Variants in DYM observed in about 807,000 individuals in gnomAD.
DYM encodes the protein dyggve-Melchior-Clausen syndrome protein.
DYM carries 78 observed loss-of-function variants against 93.1 expected under a neutral mutation model. The ratio of observed to expected loss-of-function variants is 0.84; its 90% CI spans 0.70 to 1.01. The LOEUF (loss-of-function observed/expected upper bound fraction) is 1.01, where lower values mean the gene tolerates loss of function less well. Among genes scored for constraint, DYM ranks in the 50% least tolerant of loss-of-function variants. The probability of loss-of-function intolerance (pLI) is 0.00; values close to 1 mark genes in which losing one functional copy is unlikely to be tolerated. For missense variants in DYM, 789 were observed against 845.0 expected, an observed-to-expected ratio of 0.93 and a Z score of 0.82; for synonymous variants, 321 against 319.7, an observed-to-expected ratio of 1.00 and a Z score of -0.04.
chr18:49,243,005 C>G (rs189106592), intron 13 of DYM, among the ~76,000 whole-genome samples: 1 of 152,204 alleles, frequency 6.6e-6, no homozygotes, highest in Admixed American at 6.5e-5. Context: ...CGGCCTATAC[C>G]TAGGGTTTCT....
intron 15 of DYM, among the ~76,000 whole-genome samples, chr18:49,134,101 G>A (rs189085338): frequency 6.7e-4 from 102 of 152,212 alleles, no homozygotes; most frequent in African/African-American, 2.4e-3. Context: ...GGGTAATAAA[G>A]CAAGTCCAGT....
intron 13 of DYM, among the ~76,000 whole-genome samples, chr18:49,233,505 C>T (rs767299390): frequency 3.3e-5 from 5 of 152,242 alleles, no homozygotes; most frequent in Middle Eastern, 3.4e-3. Flanking sequence ...ACAGATTTCT[C>T]TTCAATCTAA....
At chr18:49,432,236 C>T (rs2080389036) in intron 1 of DYM, among the ~76,000 whole-genome samples, 1 of 147,024 alleles carries the variant, frequency 6.8e-6, no homozygotes, top group Admixed American at 7.0e-5. Context: ...GAGGCTGAGA[C>T]AGGAGAATCA....
intron 14 of DYM, among the ~76,000 whole-genome samples, chr18:49,168,223 C>CTA (rs1462910036): frequency 1.1e-4 from 16 of 151,216 alleles, no homozygotes; most frequent in African/African-American, 3.7e-4. Flanking sequence ...CTCCCTCTCT[C>CTA]TCTATATATA....
intron 1 of DYM, among the ~76,000 whole-genome samples, chr18:49,459,920 G>A (rs1405580666): frequency 6.8e-6 from 1 of 147,188 alleles, no homozygotes; most frequent in Non-Finnish European, 1.5e-5. Flanking sequence ...CTTTGGGGCG[G>A]GGGGGGCGGT....
At chr18:49,108,883 G>T (rs565593089) in intron 16 of DYM, among the ~76,000 whole-genome samples, 1 of 152,186 alleles carries the variant, frequency 6.6e-6, no homozygotes, top group African/African-American at 2.4e-5. Flanking sequence ...CATGCATTTC[G>T]AAGCTCTGTT....
chr18:49,242,424 T>C (rs905854403), intron 13 of DYM, among the ~76,000 whole-genome samples: 3 of 152,002 alleles, frequency 2.0e-5, no homozygotes, highest in Non-Finnish European at 4.4e-5. Context: ...AAAATAATAA[T>C]AACAATAAAA....
chr18:49,039,995 CACAG>C lies in DYM; in HGVS notation c.*4056_*4059del, dbSNP rs2070849021. 6.6e-6 allele frequency: 1 copy of C among 152,186 alleles called. No homozygotes were observed. Among genetic ancestry groups the C allele is most frequent in the African/African-American group, 2.4e-5 (1 of 41,432 alleles). The allele number at this position is 152,186 out of a possible 1,614,324, so 9.4% of individuals were successfully genotyped here. On this transcript the variant is annotated 3_prime_UTR_variant, in exon 18 of 18. Coordinates refer to ENST00000675505, the MANE Select transcript of DYM (RefSeq NM_001353214.3). ...GGCCTTGGGTTATGTTTACTTCCTCCACAGAATTTGCCATTTGCTTCAATTGGGC... is the reference window on the plus strand; with the variant it reads ...GGCCTTGGGTTATGTTTACTTCCTCCAATTTGCCATTTGCTTCAATTGGGC...
chr18:49,066,962 A>G (rs1332737712), intron 17 of DYM, among the ~76,000 whole-genome samples: 1 of 152,246 alleles, frequency 6.6e-6, no homozygotes, highest in Non-Finnish European at 1.5e-5. Flanking sequence ...TGGGGATATA[A>G]AAAGGCAGAT....
chr18:49,213,634 T>C (rs568214559), intron 13 of DYM, among the ~76,000 whole-genome samples: 22 of 152,168 alleles, frequency 1.4e-4, no homozygotes, highest in Non-Finnish European at 2.8e-4. Context: ...TTCTTAATTA[T>C]CTATATGCTT....
Position 49,163,760 on chromosome 18 carries a change from G to C in DYM, c.1653C>G (p.His551Gln). The C allele has an allele frequency of 6.2e-7, 1 of 1,611,450 alleles. No individual in the cohort carries two copies. The highest frequency in any genetic ancestry group is 8.5e-7 in the Non-Finnish European group (1 of 1,178,484). ...SSLFSLLSKK[H>Q]NKVLEQATQS... ...GTGTGGCTTGTTCCAGAACTTTGTT[G>C]TGTTTTTTAGACAGCAAAGAAAATA... The change falls in exon 15 of 18, where the codon CAC (histidine) becomes CAG (glutamine). Residue 551 changes from histidine (H) to glutamine (Q), a missense_variant. Physicochemically the swap from His to Gln is conservative, Grantham distance 24. Around this residue, in one of 3 missense-constraint regions of DYM, gnomAD observed 225 missense variants for 303.0 expected, o/e 0.74. Coordinates refer to ENST00000675505, the MANE Select transcript of DYM (RefSeq NM_001353214.3).
chr18:49,363,840 T>C (rs1233171563), intron 5 of DYM, among the ~76,000 whole-genome samples: 1 of 152,194 alleles, frequency 6.6e-6, no homozygotes, highest in Non-Finnish European at 1.5e-5. Flanking sequence ...CAAATTACCA[T>C]TCCAATGGAA....
chr18:49,244,195 A>G (rs2094110344), intron 13 of DYM, among the ~76,000 whole-genome samples: 1 of 152,156 alleles, frequency 6.6e-6, no homozygotes, highest in African/African-American at 2.4e-5. Context: ...ACGTATGACT[A>G]TCTCCTTGGG....
chr18:49,269,075 A>G (rs2094624100), intron 11 of DYM, among the ~76,000 whole-genome samples: 1 of 152,180 alleles, frequency 6.6e-6, no homozygotes, highest in Non-Finnish European at 1.5e-5. Flanking sequence ...GCTAGTATCT[A>G]AAATATATAA....
intron 8 of DYM, among the ~76,000 whole-genome samples, chr18:49,325,030 T>A (rs1464008824): frequency 1.3e-5 from 2 of 152,090 alleles, no homozygotes; most frequent in Admixed American, 1.3e-4. Context: ...GCCACCAGGA[T>A]GTCCAGGAGT....
At chr18:49,458,852 CA>C (rs947879427) in intron 1 of DYM, among the ~76,000 whole-genome samples, 2 of 151,508 alleles carry the variant, frequency 1.3e-5, no homozygotes, top group African/African-American at 4.8e-5. Context: ...CCACCACCAA[CA>C]AAAAAAAGCA....
chr18:49,177,927 A>T (rs2145412260), intron 14 of DYM, among the ~76,000 whole-genome samples: 1 of 152,120 alleles, frequency 6.6e-6, no homozygotes, highest in South Asian at 2.1e-4. Context: ...TAAAGTTCTA[A>T]AACTACTTTT....
intron 8 of DYM, among the ~76,000 whole-genome samples, chr18:49,294,959 G>A (rs2060427993): frequency 6.6e-6 from 1 of 152,158 alleles, no homozygotes; most frequent in African/African-American, 2.4e-5. Flanking sequence ...GAGATGTTCA[G>A]TCAACATCTA....
intron 3 of DYM, among the ~76,000 whole-genome samples, chr18:49,389,415 G>T (rs1673200967): frequency 6.6e-6 from 1 of 152,136 alleles, no homozygotes; most frequent in South Asian, 2.1e-4. Context: ...GCCTATGTCA[G>T]GGTTTTCAAA....
Sources: allele counts gnomAD v4.1 joint callset (sites outside exome capture counted in the v4.1 genomes callset), GRCh38; gene constraint gnomAD v4.1.1; regional missense constraint gnomAD v4.1.1; transcripts MANE v1.5; gene names NCBI Gene and HGNC (gene_info 2026-07-23, HGNC 2026-07-21).